The following LONP2 variants were observed in gnomAD, a reference collection of about 807,000 sequenced individuals.
LONP2 encodes the protein lon peptidase 2, peroxisomal.
A neutral mutation model predicts 85.6 loss-of-function variants in LONP2; 60 were observed. That is an observed-to-expected ratio of 0.70 (90% CI 0.57 to 0.87). The LOEUF (loss-of-function observed/expected upper bound fraction) is 0.87. Ranked by LOEUF, LONP2 falls within the 40% of genes least tolerant of loss-of-function variation. The probability of loss-of-function intolerance (pLI) is 0.00; values close to 1 mark genes in which losing one functional copy is unlikely to be tolerated. For synonymous variants in LONP2, 395 were observed against 389.7 expected (o/e 1.01, Z -0.16); for missense variants, 860 against 1,063.5 (o/e 0.81, Z 2.66).
chr16:48,288,150 CTTTTTTTTTTT>C (rs1170612024), intron 8 of LONP2, among the ~76,000 whole-genome samples: 1 of 121,538 alleles, frequency 8.2e-6, no homozygotes, highest in Non-Finnish European at 1.7e-5. Context: ...TAGTCTTCTT[CTTTTTTTTTTT>C]TTTTTTTTTT....
At chr16:48,338,726 G>A (rs1360606406) in intron 12 of LONP2, among the ~76,000 whole-genome samples, 2 of 151,994 alleles carry the variant, frequency 1.3e-5, no homozygotes, top group South Asian at 2.1e-4. Flanking sequence ...TGGGCGACAC[G>A]GCAAAATCCC....
chr16:48,290,162 C>T (rs908969634), intron 8 of LONP2, among the ~76,000 whole-genome samples: 13 of 152,016 alleles, frequency 8.6e-5, no homozygotes, highest in Admixed American at 7.2e-4. Flanking sequence ...TAATTTTTCC[C>T]GTATTTATCC....
intron 8 of LONP2, among the ~76,000 whole-genome samples, chr16:48,295,198 C>A (rs896479235): frequency 1.3e-5 from 2 of 152,082 alleles, no homozygotes; most frequent in Admixed American, 1.3e-4. Flanking sequence ...ATGGTGAAAC[C>A]CCATCTCTAC....
chr16:48,317,259 T>C (rs1973165769), intron 11 of LONP2, among the ~76,000 whole-genome samples: 1 of 152,210 alleles, frequency 6.6e-6, no homozygotes, highest in African/African-American at 2.4e-5. Flanking sequence ...GAGGGGGATT[T>C]AAGTGCAGAT....
chr16:48,315,133 T>C (rs1340289717), intron 11 of LONP2, among the ~76,000 whole-genome samples: 1 of 152,210 alleles, frequency 6.6e-6, no homozygotes, highest in Admixed American at 6.5e-5. Context: ...TCACCCCTCA[T>C]CACCTAATAT....
intron 11 of LONP2, among the ~76,000 whole-genome samples, chr16:48,314,472 T>A (rs1379210232): frequency 6.6e-6 from 1 of 152,084 alleles, no homozygotes; most frequent in Non-Finnish European, 1.5e-5. Context: ...TCTTGAGTTA[T>A]TAAATAATTT....
chr16:48,285,795 A>C (rs948413308), intron 8 of LONP2, among the ~76,000 whole-genome samples: 3 of 152,208 alleles, frequency 2.0e-5, no homozygotes, highest in Admixed American at 6.5e-5. Context: ...AAATGTTAGT[A>C]AATATAACAG....
At chr16:48,315,217 G>A (rs1316930940) in intron 11 of LONP2, among the ~76,000 whole-genome samples, 1 of 152,198 alleles carries the variant, frequency 6.6e-6, no homozygotes, top group Admixed American at 6.5e-5. Flanking sequence ...ACATTCTCCA[G>A]TAAACACTAT....
At position 48,256,715 on chromosome 16, in the gene LONP2, C is replaced by A; in HGVS notation, c.574C>A (p.Arg192=). The A allele has an allele frequency of 6.2e-7, 1 of 1,613,822 alleles. No individual in the cohort carries two copies. Among genetic ancestry groups the A allele is most frequent in the South Asian group, 1.1e-5 (1 of 91,046 alleles). The change falls in exon 3 of 15, where the codon CGA becomes AGA. Residue 192 remains arginine, a synonymous_variant. Coordinates refer to ENST00000285737, the MANE Select transcript of LONP2 (RefSeq NM_031490.5). ...ACCAGACATCTTGACATCAATTATC[C>A]GAACAAGCAACAAAGAGAAACTCCA... ...ALPDILTSII[R]TSNKEKLQIL...
Position 48,347,646 on chromosome 16 carries a change from TGAA to T in LONP2, c.2080_2082del (p.Lys694del). The T allele has an allele frequency of 1.2e-6, 2 of 1,614,244 alleles. No individual in the cohort carries two copies. Among genetic ancestry groups the T allele is most frequent in the Non-Finnish European group, 1.7e-6 (2 of 1,180,048 alleles). ...CTGACCGGCCAGCTCGGGGACGTGA[TGAA>T]GGAGTCCGCCCACCTCGCTATCAGC... On this transcript the variant is annotated inframe_deletion, in exon 13 of 15. Coordinates refer to ENST00000285737, the MANE Select transcript of LONP2 (RefSeq NM_031490.5).
intron 11 of LONP2, among the ~76,000 whole-genome samples, chr16:48,321,345 T>TA (rs1418865435): frequency 1.3e-5 from 2 of 152,250 alleles, no homozygotes; most frequent in Non-Finnish European, 2.9e-5. Flanking sequence ...TCTGAATCTC[T>TA]AATACAGGAA....
At chr16:48,274,599 A>G (rs2150980284) in intron 7 of LONP2, among the ~76,000 whole-genome samples, 1 of 152,034 alleles carries the variant, frequency 6.6e-6, no homozygotes, top group African/African-American at 2.4e-5. Flanking sequence ...TTTTGAGATC[A>G]TTAGGATCTT....
At chr16:48,260,040 C>T (rs1971841911) in intron 4 of LONP2, among the ~76,000 whole-genome samples, 1 of 152,088 alleles carries the variant, frequency 6.6e-6, no homozygotes, top group South Asian at 2.1e-4. Flanking sequence ...ACTGTTTTAG[C>T]AGTCAGGAAG....
intron 4 of LONP2, 91 bp from the exon 5 acceptor site, chr16:48,261,333 T>A: frequency 1.1e-6 from 1 of 901,310 alleles, no homozygotes; most frequent in African/African-American, 1.7e-5. Context: ...AAAATATTTA[T>A]TCAGCACCAG....
In LONP2 at chr16:48,352,784, C is replaced by T. The variant is rs1285329730; in HGVS notation, c.*982C>T. ...CACACCTCACAGAAGCACCCTGGCC[C>T]TGGATGCCTGCAACCTCAGAAGAGT... On this transcript the variant is annotated 3_prime_UTR_variant, in exon 15 of 15. Coordinates refer to ENST00000285737, the MANE Select transcript of LONP2 (RefSeq NM_031490.5). 6.6e-6 allele frequency: 1 copy of T among 152,312 alleles called. No homozygotes were observed. The highest frequency in any genetic ancestry group is 1.5e-5 in the Non-Finnish European group (1 of 68,136). The allele number at this position is 152,312 out of a possible 1,614,324, so 9.4% of individuals were successfully genotyped here.
chr16:48,256,517 G>T (rs988129369), intron 2 of LONP2, 93 bp from the exon 3 acceptor site: 20 of 1,322,074 alleles, frequency 1.5e-5, no homozygotes, highest in Non-Finnish European at 2.0e-5. Flanking sequence ...CAAAGACTGA[G>T]GCCCAAACAT....
chr16:48,307,072 C>G (rs1972925879), intron 11 of LONP2, among the ~76,000 whole-genome samples: 1 of 152,198 alleles, frequency 6.6e-6, no homozygotes, highest in African/African-American at 2.4e-5. Context: ...AAGCACTGAT[C>G]TGTGAACAGT....
rs1971667099 is a variant in LONP2, at chr16:48,252,161, T to C, written c.264T>C (p.Val88=). The C allele has an allele frequency of 6.2e-7, 1 of 1,606,436 alleles. No homozygotes were observed. The highest frequency in any genetic ancestry group is 1.3e-5 in the African/African-American group (1 of 74,930). The change falls in exon 2 of 15, where the codon GTT becomes GTC. Residue 88 remains valine (V), a synonymous_variant. Transcript: ENST00000285737. ...GCACAGCTGCACTGGCCGTTCAGGT[T>C]GTGGGCAGTAACTGGCCCAAGCCCC... The part of the protein sequence containing the change: ...RIGTAALAVQ[V]VGSNWPKPHY...
intron 8 of LONP2, among the ~76,000 whole-genome samples, chr16:48,282,135 A>G (rs896146785): frequency 1.3e-5 from 2 of 152,164 alleles, no homozygotes; most frequent in African/African-American, 2.4e-5. Flanking sequence ...CAGGCCAGGC[A>G]CAGTGGCTCA....
Sources: gnomAD v4.1 joint callset for allele counts (sites outside exome capture counted in the v4.1 genomes callset) on GRCh38, gnomAD v4.1.1 for gene constraint, MANE v1.5 for transcripts, NCBI Gene and HGNC (gene_info 2026-07-23, HGNC 2026-07-21) for gene names.